LARGE1: variants seen among roughly 807,000 people sequenced by gnomAD.
The protein encoded by LARGE1 is LARGE xylosyl- and glucuronyltransferase 1, also known as xylosyl- and glucuronyltransferase LARGE1.
Under a neutral mutation model 87.6 loss-of-function variants are expected in LARGE1, and 43 were observed. That is an observed-to-expected ratio of 0.49 (90% CI 0.38 to 0.63). The LOEUF (loss-of-function observed/expected upper bound fraction) is 0.63. Among genes scored for constraint, LARGE1 ranks in the 30% least tolerant of loss-of-function variants. LARGE1 has a pLI of 0.00. For synonymous variants in LARGE1, 434 were observed against 394.6 expected (o/e 1.10, Z -1.18); for missense variants, 802 against 1,000.2 (o/e 0.80, Z 2.67).
chr22:33,532,285 A>G (rs985420358), intron 6 of LARGE1, among the ~76,000 whole-genome samples: 1 of 152,208 alleles, frequency 6.6e-6, no homozygotes, highest in Non-Finnish European at 1.5e-5. Flanking sequence ...ACCACCTTTG[A>G]GAAATTTTTG....
At chr22:33,606,495 T>C (rs1177883971) in intron 4 of LARGE1, among the ~76,000 whole-genome samples, 1 of 152,052 alleles carries the variant, frequency 6.6e-6, no homozygotes, top group Non-Finnish European at 1.5e-5. Context: ...GCAGGATGAC[T>C]GGCCTTTTAG....
At chr22:33,628,643 C>T (rs1184030535) in intron 3 of LARGE1, among the ~76,000 whole-genome samples, 2 of 152,166 alleles carry the variant, frequency 1.3e-5, no homozygotes, top group Non-Finnish European at 2.9e-5. Flanking sequence ...CCTGGTGGTA[C>T]ATCAGAAACA....
chr22:33,277,455 A>G (rs1384418326), intron 13 of LARGE1, among the ~76,000 whole-genome samples, 200 bp from the exon 14 acceptor site: 1 of 152,260 alleles, frequency 6.6e-6, no homozygotes, highest in Non-Finnish European at 1.5e-5. Context: ...CTTTGCAGAT[A>G]TAATGAGGTT....
At chr22:33,539,536 G>C (rs2077131881) in intron 6 of LARGE1, among the ~76,000 whole-genome samples, 1 of 151,886 alleles carries the variant, frequency 6.6e-6, no homozygotes, top group South Asian at 2.1e-4. Flanking sequence ...ATTTCCTTTA[G>C]ATTGTCACAA....
At chr22:33,693,415 TAA>T (rs2082153423) in intron 2 of LARGE1, among the ~76,000 whole-genome samples, 2 of 148,806 alleles carry the variant, frequency 1.3e-5, no homozygotes, top group Admixed American at 6.7e-5. Flanking sequence ...AAAAAAAAAT[TAA>T]AAAGAGGGAG....
intron 3 of LARGE1, among the ~76,000 whole-genome samples, chr22:33,631,813 G>A (rs987058225): frequency 2.6e-4 from 40 of 152,172 alleles, no homozygotes; most frequent in Non-Finnish European, 5.9e-5. Flanking sequence ...TTATACAAAT[G>A]GCAGCGCAGT....
intron 10 of LARGE1, among the ~76,000 whole-genome samples, chr22:33,317,114 T>C (rs1936249720): frequency 6.6e-6 from 1 of 152,130 alleles, no homozygotes; most frequent in South Asian, 2.1e-4. Context: ...CTCAGGAGGC[T>C]GAGGCAGGAG....
the LARGE1 span, among the ~76,000 whole-genome samples, chr22:33,107,528 C>T: frequency 2.0e-5 from 3 of 150,072 alleles, no homozygotes; most frequent in Middle Eastern, 3.5e-3. Context: ...GCACTCCAGC[C>T]TGGGTTACAG....
chr22:33,900,537 C>T (rs1431279377), intron 1 of LARGE1, among the ~76,000 whole-genome samples: 2 of 152,094 alleles, frequency 1.3e-5, no homozygotes, highest in Non-Finnish European at 2.9e-5. Flanking sequence ...ACATTAAAGG[C>T]GAGAACAGAT....
rs796724256 is a variant in LARGE1, at chr22:33,466,681, C to CCT, written c.788-34418_788-34417dup. Reference sequence around the variant, plus strand: ...TAATGAGCCCTGGCCTCATTCACCCCCTCTCTCTCTCTACACACACACACA... The same window carrying CCT: ...TAATGAGCCCTGGCCTCATTCACCCCCTCTCTCTCTCTCTACACACACACACA... On this transcript the variant is annotated intron_variant, in intron 6 of 14. Transcript: ENST00000397394. Among the ~76,000 whole-genome samples the CCT allele has an allele frequency of 1.1e-4, 16 of 142,092 alleles. 1 individual carries two copies. In the South Asian group the frequency reaches 2.0e-3, roughly 18 times the overall value. The allele number at this position is 142,092 out of a possible 152,430, so 93.2% of individuals were successfully genotyped here.
chr22:33,412,177 G>A (rs999160165), intron 7 of LARGE1, among the ~76,000 whole-genome samples: 4 of 152,218 alleles, frequency 2.6e-5, no homozygotes, highest in Admixed American at 1.3e-4. Flanking sequence ...CCAGCTACTC[G>A]AGAGGCTGAG....
In LARGE1 at chr22:33,547,949, T is replaced by C. The variant is rs77700563; in HGVS notation, c.787+16899A>G. Among the ~76,000 whole-genome samples, 263 of 152,264 alleles carry C rather than the reference T, an allele frequency of 1.7e-3. 1 individual carries two copies. Among genetic ancestry groups the C allele is most frequent in the African/African-American group, 6.0e-3 (249 of 41,538 alleles). On this transcript the variant is annotated intron_variant, in intron 6 of 14. Transcript: ENST00000397394. ...AAAACTGTTGCCATAAAAAAGTTAT[T>C]TTTAATAAAGAAAATAAAGAGTCCA...
At chr22:33,201,753 A>T (rs1208925943) in intron 11 of LARGE1, among the ~76,000 whole-genome samples, 2 of 152,350 alleles carry the variant, frequency 1.3e-5, no homozygotes, top group Middle Eastern at 6.8e-3. Flanking sequence ...CTTGTAGGTC[A>T]TCATCAGAAC....
intron 11 of LARGE1, among the ~76,000 whole-genome samples, chr22:33,228,521 G>C (rs980255065): frequency 6.6e-6 from 1 of 152,182 alleles, no homozygotes; most frequent in Non-Finnish European, 1.5e-5. Flanking sequence ...TTGGGTGAAG[G>C]CAACCTCTAA....
intron 5 of LARGE1, among the ~76,000 whole-genome samples, chr22:33,595,495 C>T (rs1371761350): frequency 1.3e-5 from 2 of 152,138 alleles, no homozygotes; most frequent in Admixed American, 6.5e-5. Context: ...ATGGGGAGCA[C>T]ATTTAAGCAA....
At chr22:33,164,783 G>A (rs1172653552) in exon 12 of LARGE1, 2 of 151,952 alleles carry the variant, frequency 1.3e-5, no homozygotes, top group African/African-American at 2.4e-5. Flanking sequence ...CTCCCAAAGT[G>A]CTGGTATTAC....
chr22:33,637,728 C>A (rs1178044487), intron 3 of LARGE1, among the ~76,000 whole-genome samples: 1 of 152,110 alleles, frequency 6.6e-6, no homozygotes, highest in African/African-American at 2.4e-5. Context: ...GTCTTCAGCC[C>A]CAATCAAACC....
chr22:33,750,222 C>T (rs1377979434), intron 2 of LARGE1, among the ~76,000 whole-genome samples: 1 of 152,130 alleles, frequency 6.6e-6, no homozygotes, highest in Non-Finnish European at 1.5e-5. Context: ...GGATGGAGAT[C>T]GTGACAAAAT....
intron 1 of LARGE1, among the ~76,000 whole-genome samples, chr22:33,769,936 CT>C (rs779044221): frequency 6.6e-6 from 1 of 152,026 alleles, no homozygotes; most frequent in African/African-American, 2.4e-5. Context: ...AGCTCTCATT[CT>C]TTTTTTTAGG....
Sources: gnomAD v4.1 joint callset for allele counts (sites outside exome capture counted in the v4.1 genomes callset) on GRCh38, gnomAD v4.1.1 for gene constraint, MANE v1.5 for transcripts, NCBI Gene and HGNC (gene_info 2026-07-23, HGNC 2026-07-21) for gene names.